The following EFCAB5 variants were observed in gnomAD, a reference collection of about 807,000 sequenced individuals.
The protein encoded by EFCAB5 is EF-hand calcium binding domain 5.
EFCAB5 carries 131 observed loss-of-function variants against 167.9 expected under a neutral mutation model. That is an observed-to-expected ratio of 0.78 (90% CI 0.68 to 0.90). The LOEUF (loss-of-function observed/expected upper bound fraction) is 0.90, where lower values mean the gene tolerates loss of function less well. EFCAB5 is among the 40% of genes least tolerant of loss of function. The probability of loss-of-function intolerance (pLI) is 0.00; values close to 1 mark genes in which losing one functional copy is unlikely to be tolerated. For missense variants in EFCAB5, 1,663 were observed against 1,745.2 expected (o/e 0.95, Z 0.84); for synonymous variants, 574 against 602.8 (o/e 0.95, Z 0.70).
At chr17:30,008,346 A>G (rs1009643076) in intron 7 of EFCAB5, among the ~76,000 whole-genome samples, 5 of 152,216 alleles carry the variant, frequency 3.3e-5, no homozygotes, top group African/African-American at 1.2e-4. Context: ...TAATCCCAGC[A>G]CTTTGGGAGG....
chr17:30,064,992 TAA>T (rs1440169829), intron 14 of EFCAB5, among the ~76,000 whole-genome samples: 1 of 152,122 alleles, frequency 6.6e-6, no homozygotes, highest in African/African-American at 2.4e-5. Flanking sequence ...GAGAGAACAA[TAA>T]AGTCTTTCAC....
intron 3 of EFCAB5, among the ~76,000 whole-genome samples, chr17:29,955,941 C>A (rs1298192216): frequency 1.3e-5 from 2 of 152,162 alleles, no homozygotes; most frequent in Admixed American, 1.3e-4. Context: ...GTAATCCAAG[C>A]AGTATGGTAC....
intron 7 of EFCAB5, among the ~76,000 whole-genome samples, chr17:30,013,390 T>C (rs2068954007): frequency 6.6e-6 from 1 of 152,142 alleles, no homozygotes; most frequent in African/African-American, 2.4e-5. Context: ...CCAGCTCCTC[T>C]TTGTACCTCT....
At chr17:30,018,112 C>T (rs2069090781) in intron 7 of EFCAB5, among the ~76,000 whole-genome samples, 1 of 150,502 alleles carries the variant, frequency 6.6e-6, no homozygotes, top group Admixed American at 6.6e-5. Context: ...AATTGGGTCA[C>T]TTTTTTTTTC....
In EFCAB5 at chr17:29,988,702, G is replaced by A. The variant is rs973426076; in HGVS notation, c.768-4463G>A. On this transcript the variant is annotated intron_variant, in intron 4 of 22. Coordinates refer to ENST00000394835, the MANE Select transcript of EFCAB5 (RefSeq NM_198529.4). Reference sequence around the variant, plus strand: ...GCTTGCTGTATTTGTGCCTTTGTGAGAGTGACAATAATTTTTCCAGGATCA... The same window carrying A: ...GCTTGCTGTATTTGTGCCTTTGTGAAAGTGACAATAATTTTTCCAGGATCA... Among the ~76,000 whole-genome samples, 11 of 152,156 alleles carry A rather than the reference G, an allele frequency of 7.2e-5. 1 individual carries two copies. The highest frequency in any genetic ancestry group is 1.5e-4 in the Non-Finnish European group (10 of 68,024).
At chr17:30,044,440 T>A (rs2069861888) in intron 8 of EFCAB5, among the ~76,000 whole-genome samples, 3 of 151,958 alleles carry the variant, frequency 2.0e-5, no homozygotes, top group Non-Finnish European at 4.4e-5. Context: ...TAGCTGGGCG[T>A]TGTGGCCATA....
intron 5 of EFCAB5, among the ~76,000 whole-genome samples, chr17:29,996,092 C>T (rs1277749086): frequency 6.6e-6 from 1 of 152,068 alleles, no homozygotes; most frequent in Non-Finnish European, 1.5e-5. Flanking sequence ...AAATTGAAAT[C>T]CATGCATTTT....
intron 3 of EFCAB5, among the ~76,000 whole-genome samples, chr17:29,966,975 T>C (rs1029451339): frequency 6.6e-6 from 1 of 152,188 alleles, no homozygotes; most frequent in African/African-American, 2.4e-5. Context: ...GGAGTTCTGA[T>C]TTTTTTAATT....
chr17:29,936,345 T>C (rs953779960), intron 1 of EFCAB5, among the ~76,000 whole-genome samples: 5 of 152,094 alleles, frequency 3.3e-5, no homozygotes, highest in African/African-American at 1.2e-4. Flanking sequence ...TTAGGAGATA[T>C]ACCTAATGTA....
intron 7 of EFCAB5, among the ~76,000 whole-genome samples, chr17:30,024,945 A>G (rs930500096): frequency 2.1e-4 from 32 of 151,126 alleles, no homozygotes; most frequent in African/African-American, 5.6e-4. Context: ...AGGATTCCCT[A>G]TTTAATCAAT....
At chr17:29,949,580 A>G (rs1029253769) in intron 3 of EFCAB5, among the ~76,000 whole-genome samples, 1 of 152,238 alleles carries the variant, frequency 6.6e-6, no homozygotes, top group African/African-American at 2.4e-5. Context: ...AAAATCCAGT[A>G]CATCTTTGAA....
chr17:30,096,411 C>T (rs904846655), intron 22 of EFCAB5, among the ~76,000 whole-genome samples: 2 of 151,836 alleles, frequency 1.3e-5, no homozygotes, highest in Non-Finnish European at 2.9e-5. Context: ...AGCATGGTGG[C>T]ATGCACCTGT....
At chr17:29,948,145 T>A (rs984121764) in intron 3 of EFCAB5, among the ~76,000 whole-genome samples, 3 of 152,216 alleles carry the variant, frequency 2.0e-5, no homozygotes, top group Admixed American at 1.3e-4. Context: ...TCATTCATTT[T>A]AAAAATGCCA....
intron 8 of EFCAB5, among the ~76,000 whole-genome samples, chr17:30,047,922 T>C (rs1291978266): frequency 6.6e-6 from 1 of 152,184 alleles, no homozygotes; most frequent in East Asian, 1.9e-4. Context: ...CAAGACTTCC[T>C]CAAGTACATA....
intron 16 of EFCAB5, among the ~76,000 whole-genome samples, chr17:30,080,481 C>T (rs989259340): frequency 2.6e-4 from 40 of 152,102 alleles, no homozygotes; most frequent in Admixed American, 2.2e-3. Context: ...TCAATTATTT[C>T]TGCCTGCTCC....
chr17:30,009,971 C>T (rs899925300), intron 7 of EFCAB5, among the ~76,000 whole-genome samples: 1 of 152,096 alleles, frequency 6.6e-6, no homozygotes, highest in Non-Finnish European at 1.5e-5. Context: ...ATCCCCCGAC[C>T]CCATGACAGG....
At chr17:30,059,513 T>C in intron 13 of EFCAB5, 32 bp from the exon 14 acceptor site, 2 of 1,566,224 alleles carry the variant, frequency 1.3e-6, no homozygotes, top group Non-Finnish European at 1.7e-6. Context: ...AACATATATC[T>C]TCCGTGCTTT....
At position 30,080,910 on chromosome 17, in the gene EFCAB5, T is replaced by C; in HGVS notation, c.3355T>C (p.Leu1119=). ...QDAYMRIFGV[L]AVDTLRDPHE... Reference sequence around the variant, plus strand: ...TGCATATATGAGGATCTTTGGGGTCTTGGCTGTTGATACCCTTAGAGATCC... The same window carrying C: ...TGCATATATGAGGATCTTTGGGGTCCTGGCTGTTGATACCCTTAGAGATCC... The change falls in exon 17 of 23, where the codon TTG becomes CTG. Residue 1119 remains leucine, a synonymous_variant. Coordinates refer to ENST00000394835, the MANE Select transcript of EFCAB5 (RefSeq NM_198529.4). 1 of 1,613,852 alleles carries C rather than the reference T, an allele frequency of 6.2e-7. No homozygotes were observed. The highest frequency in any genetic ancestry group is 1.7e-4 in the Middle Eastern group (1 of 5,964).
intron 3 of EFCAB5, among the ~76,000 whole-genome samples, chr17:29,947,172 CAA>C (rs71278523): frequency 1.9e-4 from 13 of 66,796 alleles, no homozygotes; most frequent in Non-Finnish European, 1.8e-4. Flanking sequence ...GACTCCATCT[CAA>C]AAAAAAAAAA....
Sources: gnomAD v4.1 joint callset for allele counts (sites outside exome capture counted in the v4.1 genomes callset) on GRCh38, gnomAD v4.1.1 for gene constraint, MANE v1.5 for transcripts, NCBI Gene and HGNC (gene_info 2026-07-23, HGNC 2026-07-21) for gene names.